Variants in CUX2 observed in about 807,000 individuals in gnomAD.
CUX2 encodes the protein homeobox protein cut-like 2.
Under a neutral mutation model 144.8 loss-of-function variants are expected in CUX2, and 40 were observed. The ratio of observed to expected loss-of-function variants is 0.28; its 90% CI spans 0.21 to 0.36. The LOEUF is 0.36. Ranked by LOEUF, CUX2 falls within the 10% of genes least tolerant of loss-of-function variation. The pLI is 1.00. For synonymous variants in CUX2, 827 were observed against 875.6 expected (o/e 0.94, Z 0.98); for missense variants, 1,615 against 1,994.0 (o/e 0.81, Z 3.62).
intron 4 of CUX2, among the ~76,000 whole-genome samples, chr12:111,273,713 A>G (rs1458778079): frequency 6.6e-6 from 1 of 151,924 alleles, no homozygotes; most frequent in Non-Finnish European, 1.5e-5. Context: ...AAGGAGCAAG[A>G]CTCCAGGTTG....
At chr12:111,309,354 C>T (rs1886757294) in intron 14 of CUX2, among the ~76,000 whole-genome samples, 1 of 152,184 alleles carries the variant, frequency 6.6e-6, no homozygotes, top group Admixed American at 6.5e-5. Flanking sequence ...CCAGCAAGGG[C>T]CCATCTGCAG....
intron 1 of CUX2, among the ~76,000 whole-genome samples, chr12:111,188,854 C>G (rs1465536860): frequency 1.3e-5 from 2 of 152,166 alleles, no homozygotes; most frequent in Non-Finnish European, 2.9e-5. Context: ...AGCAAGCAGT[C>G]TCCTGCACCA....
chr12:111,262,974 T>G (rs2136290392), intron 3 of CUX2, among the ~76,000 whole-genome samples: 1 of 152,280 alleles, frequency 6.6e-6, no homozygotes, highest in African/African-American at 2.4e-5. Flanking sequence ...GCGGCTCCAT[T>G]TAATCCCAAC....
At chr12:111,203,268 G>C (rs1880718407) in intron 1 of CUX2, among the ~76,000 whole-genome samples, 1 of 150,632 alleles carries the variant, frequency 6.6e-6, no homozygotes, top group Non-Finnish European at 1.5e-5. Context: ...GTAAGGGCCA[G>C]GTGCAGTAGT....
At chr12:111,188,439 T>C (rs748138405) in intron 1 of CUX2, among the ~76,000 whole-genome samples, 3 of 152,008 alleles carry the variant, frequency 2.0e-5, no homozygotes, top group Non-Finnish European at 2.9e-5. Flanking sequence ...TGCAGAGCTC[T>C]GTGAAGGAAG....
At chr12:111,075,586 T>C (rs1871489136) in intron 1 of CUX2, among the ~76,000 whole-genome samples, 1 of 152,152 alleles carries the variant, frequency 6.6e-6, no homozygotes, top group African/African-American at 2.4e-5. Context: ...CCATGTCCAT[T>C]TGCTGCTGTT....
chr12:111,308,558 C>A (rs576902427), intron 14 of CUX2, 32 bp downstream of exon 14: 5 of 1,570,856 alleles, frequency 3.2e-6, no homozygotes, highest in Non-Finnish European at 4.3e-6. Context: ...GGGCTGAGGG[C>A]TGGGGCGGGG....
At chr12:111,305,926 G>A (rs1400971412) in intron 10 of CUX2, among the ~76,000 whole-genome samples, 2 of 152,132 alleles carry the variant, frequency 1.3e-5, no homozygotes, top group African/African-American at 2.4e-5. Flanking sequence ...GCATGTGTTA[G>A]TGTGTGCTGT....
At chr12:111,204,706 T>A (rs1880810171) in intron 1 of CUX2, among the ~76,000 whole-genome samples, 3 of 152,178 alleles carry the variant, frequency 2.0e-5, no homozygotes, top group African/African-American at 7.2e-5. Flanking sequence ...TCAACAGATG[T>A]TTCTAGAGAA....
rs376080799 is a variant in CUX2, at chr12:111,118,652, T to C, written c.63+84412T>C. Among the ~76,000 whole-genome samples the C allele has an allele frequency of 1.2e-3, 182 of 152,272 alleles. 1 individual carries two copies. The highest frequency in any genetic ancestry group is 3.8e-3 in the African/African-American group (159 of 41,542). On this transcript the variant is annotated intron_variant, in intron 1 of 21. Transcript: ENST00000261726. ...CAACTGGTCCCAGGGCCGGACCAGC[T>C]TCCATGAGGCTGCTGCATTGGGACA...
intron 1 of CUX2, among the ~76,000 whole-genome samples, chr12:111,123,686 C>T (rs1164396487): frequency 6.6e-6 from 1 of 152,020 alleles, no homozygotes; most frequent in African/African-American, 2.4e-5. Context: ...TAGGTACATA[C>T]CCCCACACCT....
At chr12:111,150,323 C>G (rs1373971834) in intron 1 of CUX2, among the ~76,000 whole-genome samples, 3 of 152,122 alleles carry the variant, frequency 2.0e-5, no homozygotes, top group South Asian at 4.1e-4. Context: ...CAAAAAAGGG[C>G]CGGGAAAAAG....
chr12:111,173,042 G>A (rs1205470181), intron 1 of CUX2, among the ~76,000 whole-genome samples: 1 of 152,206 alleles, frequency 6.6e-6, no homozygotes, highest in Non-Finnish European at 1.5e-5. Flanking sequence ...AAGCTGATGG[G>A]CAGACTTCTT....
intron 3 of CUX2, among the ~76,000 whole-genome samples, chr12:111,223,368 C>T (rs1881953701): frequency 6.6e-6 from 1 of 152,182 alleles, no homozygotes; most frequent in African/African-American, 2.4e-5. Flanking sequence ...CATTGACACC[C>T]TGCCCCGATG....
chr12:111,054,438 C>T (rs925803910), intron 1 of CUX2, among the ~76,000 whole-genome samples: 5 of 152,204 alleles, frequency 3.3e-5, no homozygotes, highest in Non-Finnish European at 4.4e-5. Flanking sequence ...TATAGCCATT[C>T]CAGATAATGG....
At chr12:111,173,047 C>G (rs1181820445) in intron 1 of CUX2, among the ~76,000 whole-genome samples, 1 of 152,224 alleles carries the variant, frequency 6.6e-6, no homozygotes, top group Non-Finnish European at 1.5e-5. Context: ...GATGGGCAGA[C>G]TTCTTGCCTG....
At chr12:111,202,020 C>G (rs919898944) in intron 1 of CUX2, among the ~76,000 whole-genome samples, 18 of 152,198 alleles carry the variant, frequency 1.2e-4, no homozygotes, top group African/African-American at 4.3e-4. Flanking sequence ...GTTAAAAGTG[C>G]CCTCATGCAG....
At chr12:111,117,088 G>A (rs778779292) in intron 1 of CUX2, among the ~76,000 whole-genome samples, 2 of 152,204 alleles carry the variant, frequency 1.3e-5, no homozygotes, top group Admixed American at 6.5e-5. Context: ...GTTGAAAAGA[G>A]GGTAAGAGGT....
intron 16 of CUX2, among the ~76,000 whole-genome samples, chr12:111,315,671 ATCGCGCCATTGC>A (rs1474434565): frequency 6.6e-6 from 1 of 152,136 alleles, no homozygotes; most frequent in Non-Finnish European, 1.5e-5. Flanking sequence ...GTGAGCCGAG[ATCGCGCCATTGC>A]ACTCCAGCCT....
Sources: allele counts gnomAD v4.1 joint callset (sites outside exome capture counted in the v4.1 genomes callset), GRCh38; gene constraint gnomAD v4.1.1; transcripts MANE v1.5; gene names NCBI Gene and HGNC (gene_info 2026-07-23, HGNC 2026-07-21).